NKAIN2: variants seen among roughly 807,000 people sequenced by gnomAD.
The protein encoded by NKAIN2 is sodium/potassium-transporting ATPase subunit beta-1-interacting protein 2.
A neutral mutation model predicts 32.6 loss-of-function variants in NKAIN2; 14 were observed. The observed-to-expected ratio is 0.43, with a 90% CI of 0.28 to 0.67. NKAIN2 has a LOEUF of 0.67. NKAIN2 is among the 30% of genes least tolerant of loss of function. The pLI, the probability that NKAIN2 is intolerant of heterozygous loss-of-function variation, is 0.17. For synonymous variants in NKAIN2, 80 were observed against 87.2 expected, an observed-to-expected ratio of 0.92 and a Z score of 0.46; for missense variants, 198 against 258.3, an observed-to-expected ratio of 0.77 and a Z score of 1.60.
chr6:124,141,266 GA>G (rs1376523475), intron 1 of NKAIN2, among the ~76,000 whole-genome samples: 3 of 151,760 alleles, frequency 2.0e-5, no homozygotes, highest in East Asian at 1.9e-4. Context: ...GATTCACAAA[GA>G]AAAAAAATAC....
chr6:124,608,557 T>G (rs976742268), intron 3 of NKAIN2, among the ~76,000 whole-genome samples: 1 of 152,168 alleles, frequency 6.6e-6, no homozygotes, highest in Non-Finnish European at 1.5e-5. Context: ...AGCAGTGCTG[T>G]GGCCACTCAA....
intron 1 of NKAIN2, among the ~76,000 whole-genome samples, chr6:124,073,095 A>G (rs1031098032): frequency 1.3e-5 from 2 of 152,230 alleles, no homozygotes; most frequent in Admixed American, 6.5e-5. Flanking sequence ...TAGAACAAAG[A>G]TGAACTTTCT....
chr6:124,706,532 C>A (rs1467489658), intron 4 of NKAIN2, among the ~76,000 whole-genome samples: 6 of 152,012 alleles, frequency 3.9e-5, no homozygotes, highest in Non-Finnish European at 8.8e-5. Context: ...CAAGTCCAGG[C>A]AGAGCTATCA....
intron 1 of NKAIN2, among the ~76,000 whole-genome samples, chr6:124,147,818 C>T (rs1343891536): frequency 6.6e-6 from 1 of 152,052 alleles, no homozygotes; most frequent in East Asian, 1.9e-4. Context: ...GTAAAGCTAT[C>T]AGTAGGAGGA....
intron 1 of NKAIN2, among the ~76,000 whole-genome samples, chr6:124,278,602 A>G (rs1012774848): frequency 1.1e-4 from 16 of 147,384 alleles, no homozygotes; most frequent in African/African-American, 4.0e-4. Context: ...ACATATATAT[A>G]TACATACACA....
chr6:124,746,751 T>C (rs964416697), intron 4 of NKAIN2, among the ~76,000 whole-genome samples: 1 of 151,874 alleles, frequency 6.6e-6, no homozygotes, highest in Non-Finnish European at 1.5e-5. Flanking sequence ...AATTTTTCAA[T>C]GCCAAGAAAT....
intron 1 of NKAIN2, among the ~76,000 whole-genome samples, chr6:124,149,891 C>T (rs914059910): frequency 1.1e-4 from 17 of 151,302 alleles, no homozygotes; most frequent in Non-Finnish European, 1.5e-5. Context: ...TGCTTTTATT[C>T]AGTGCAGGCA....
At chr6:124,493,453 C>T (rs1239830635) in intron 3 of NKAIN2, among the ~76,000 whole-genome samples, 1 of 151,834 alleles carries the variant, frequency 6.6e-6, no homozygotes, top group African/African-American at 2.4e-5. Flanking sequence ...ACATCCAAAC[C>T]ATATTAGACG....
At chr6:124,081,874 T>C (rs1194452054) in intron 1 of NKAIN2, among the ~76,000 whole-genome samples, 1 of 151,774 alleles carries the variant, frequency 6.6e-6, no homozygotes, top group African/African-American at 2.4e-5. Context: ...TTACATATTA[T>C]GTTAAATATT....
chr6:124,322,498 A>T (rs1467454093), intron 2 of NKAIN2, among the ~76,000 whole-genome samples: 1 of 152,184 alleles, frequency 6.6e-6, no homozygotes, highest in Non-Finnish European at 1.5e-5. Flanking sequence ...CACCATGATA[A>T]AAATATTTGT....
chr6:123,897,916 A>G (rs182302035), intron 1 of NKAIN2, among the ~76,000 whole-genome samples: 1 of 152,300 alleles, frequency 6.6e-6, no homozygotes, highest in Admixed American at 6.5e-5. Context: ...GTATTTTGTG[A>G]AGAGCTTTCA....
chr6:124,797,568 G>A (rs1205395953), intron 5 of NKAIN2, among the ~76,000 whole-genome samples: 2 of 151,914 alleles, frequency 1.3e-5, no homozygotes, highest in East Asian at 3.9e-4. Flanking sequence ...TGGGATAAAA[G>A]TCACAATCAA....
chr6:124,211,097 A>T (rs938084534), intron 1 of NKAIN2, among the ~76,000 whole-genome samples: 1 of 151,782 alleles, frequency 6.6e-6, no homozygotes, highest in African/African-American at 2.4e-5. Flanking sequence ...GGCAAAAATG[A>T]CTGGAACAAT....
At chr6:124,026,933 T>C (rs1781138556) in intron 1 of NKAIN2, among the ~76,000 whole-genome samples, 2 of 152,242 alleles carry the variant, frequency 1.3e-5, no homozygotes, top group East Asian at 1.9e-4. Context: ...ACTGAAGCTG[T>C]GCTGAGAAGC....
chr6:123,979,938 C>T (rs1778814178), intron 1 of NKAIN2, among the ~76,000 whole-genome samples: 1 of 152,158 alleles, frequency 6.6e-6, no homozygotes, highest in Non-Finnish European at 1.5e-5. Context: ...CAAATATCTA[C>T]AGAATTGTTC....
chr6:123,928,892 G>A (rs1425320971), intron 1 of NKAIN2, among the ~76,000 whole-genome samples: 1 of 152,116 alleles, frequency 6.6e-6, no homozygotes, highest in Non-Finnish European at 1.5e-5. Context: ...ATAGATTGTG[G>A]TGTATTAATG....
At chr6:124,412,601 A>T (rs2114502908) in intron 3 of NKAIN2, among the ~76,000 whole-genome samples, 1 of 152,264 alleles carries the variant, frequency 6.6e-6, no homozygotes, top group African/African-American at 2.4e-5. Flanking sequence ...GGTGCCTCCC[A>T]GTTAGGCTAC....
At chr6:124,310,175 A>C (rs1407310518) in intron 2 of NKAIN2, among the ~76,000 whole-genome samples, 1 of 152,172 alleles carries the variant, frequency 6.6e-6, no homozygotes, top group Non-Finnish European at 1.5e-5. Flanking sequence ...ATTGAAAAGC[A>C]CATAGCTGTT....
intron 1 of NKAIN2, among the ~76,000 whole-genome samples, chr6:124,139,678 T>A (rs1787039781): frequency 6.6e-6 from 1 of 152,166 alleles, no homozygotes; most frequent in African/African-American, 2.4e-5. Context: ...TGATAAAATT[T>A]ATATTAAAAT....
Sources: gnomAD v4.1 joint callset for allele counts (sites outside exome capture counted in the v4.1 genomes callset) on GRCh38, gnomAD v4.1.1 for gene constraint, MANE v1.5 for transcripts, NCBI Gene and HGNC (gene_info 2026-07-23, HGNC 2026-07-21) for gene names.